Variants in PLS1 observed in about 807,000 individuals in gnomAD.
PLS1 encodes plastin 1.
PLS1 carries 32 observed loss-of-function variants against 73.7 expected under a neutral mutation model. That is an observed-to-expected ratio of 0.43 (90% CI 0.33 to 0.58). The LOEUF (loss-of-function observed/expected upper bound fraction) is 0.58. PLS1 is among the 20% of genes least tolerant of loss of function. The probability of loss-of-function intolerance (pLI) is 0.04; values close to 1 mark genes in which losing one functional copy is unlikely to be tolerated. For missense variants in PLS1, 633 were observed against 740.5 expected (o/e 0.85, Z 1.68); for synonymous variants, 217 against 261.3 (o/e 0.83, Z 1.63).
At position 142,676,295 on chromosome 3, in the gene PLS1, T is replaced by C; in HGVS notation, c.497+6T>C. On this transcript the variant is annotated splice_donor_region_variant and intron_variant, in intron 5 of 15. Coordinates refer to ENST00000457734, the MANE Select transcript of PLS1 (RefSeq NM_001145319.2). ...GCAGATGGCATCCTTCTTTGGTGAG[T>C]TGAACTTCTGGTTAAGGAAGCTGCG... 1 of 1,610,532 alleles carries C rather than the reference T, an allele frequency of 6.2e-7. No individual in the cohort carries two copies. Among genetic ancestry groups the C allele is most frequent in the Non-Finnish European group, 8.5e-7 (1 of 1,178,938 alleles).
chr3:142,696,450 G>A (rs2038205656), intron 11 of PLS1, among the ~76,000 whole-genome samples: 1 of 152,038 alleles, frequency 6.6e-6, no homozygotes, highest in South Asian at 2.1e-4. Flanking sequence ...ACAATAGGTG[G>A]ACATCTAGTT....
chr3:142,612,378 G>A (rs1560029494), intron 1 of PLS1, among the ~76,000 whole-genome samples: 1 of 152,158 alleles, frequency 6.6e-6, no homozygotes, highest in Admixed American at 6.5e-5. Flanking sequence ...TGTATATAAG[G>A]TTTAGAGAAT....
intron 1 of PLS1, among the ~76,000 whole-genome samples, chr3:142,599,178 GAATA>G (rs199708068): frequency 0.11 from 15,868 of 146,746 alleles, 1,884 homozygotes; most frequent in African/African-American, 0.31. Context: ...ATGAATGAAT[GAATA>G]AATAAATAAA....
intron 1 of PLS1, among the ~76,000 whole-genome samples, chr3:142,643,956 A>G (rs1480548813): frequency 6.6e-6 from 1 of 150,928 alleles, no homozygotes; most frequent in Non-Finnish European, 1.5e-5. Context: ...CAGCCTCCCA[A>G]GTTGCTGGGA....
chr3:142,689,267 T>A (rs1171621256), intron 9 of PLS1, among the ~76,000 whole-genome samples: 11 of 151,768 alleles, frequency 7.2e-5, no homozygotes, highest in Non-Finnish European at 4.4e-5. Flanking sequence ...TTACTAAAAA[T>A]ACAAAAATTA....
chr3:142,647,123 C>T (rs904424652), intron 1 of PLS1, among the ~76,000 whole-genome samples: 3 of 152,158 alleles, frequency 2.0e-5, no homozygotes, highest in Non-Finnish European at 4.4e-5. Flanking sequence ...GGTGATTTTT[C>T]ATGTGCCAGA....
At chr3:142,614,652 C>A in intron 1 of PLS1, among the ~76,000 whole-genome samples, 1 of 152,156 alleles carries the variant, frequency 6.6e-6, no homozygotes. Context: ...GTGTTTGGCC[C>A]ATGGGTGCCA....
At chr3:142,630,695 G>A (rs2036538827) in intron 1 of PLS1, among the ~76,000 whole-genome samples, 1 of 151,882 alleles carries the variant, frequency 6.6e-6, no homozygotes, top group African/African-American at 2.4e-5. Context: ...AGGTTGCAGT[G>A]AGCCAAGATC....
chr3:142,635,154 G>A (rs1403549293), intron 1 of PLS1, among the ~76,000 whole-genome samples: 4 of 151,878 alleles, frequency 2.6e-5, no homozygotes, highest in African/African-American at 4.8e-5. Flanking sequence ...TTAAAAATGT[G>A]TATGCTATAA....
intron 1 of PLS1, among the ~76,000 whole-genome samples, chr3:142,657,370 C>T (rs1402116188): frequency 1.3e-5 from 2 of 152,100 alleles, no homozygotes; most frequent in Non-Finnish European, 2.9e-5. Flanking sequence ...AGTAAGCCCT[C>T]TAGGAGGTTC....
intron 4 of PLS1, 29 bp downstream of exon 4, chr3:142,671,151 T>G: frequency 6.3e-7 from 1 of 1,575,330 alleles, no homozygotes; most frequent in South Asian, 1.1e-5. Context: ...TTTGATCTTT[T>G]AGTCACTGAT....
intron 9 of PLS1, among the ~76,000 whole-genome samples, chr3:142,687,273 A>G (rs2037990664): frequency 6.6e-6 from 1 of 152,090 alleles, no homozygotes; most frequent in Non-Finnish European, 1.5e-5. Context: ...AAAGTTTACA[A>G]ATTTGTGTTG....
intron 1 of PLS1, among the ~76,000 whole-genome samples, chr3:142,663,559 T>G: frequency 6.6e-6 from 1 of 152,046 alleles, no homozygotes; most frequent in African/African-American, 2.4e-5. Context: ...ATTAGCTGGG[T>G]ACAGTGGCAC....
At chr3:142,657,626 A>G (rs2037270548) in intron 1 of PLS1, among the ~76,000 whole-genome samples, 1 of 152,086 alleles carries the variant, frequency 6.6e-6, no homozygotes, top group Non-Finnish European at 1.5e-5. Flanking sequence ...AGTAGCTGGG[A>G]CTATAGGCGT....
intron 1 of PLS1, among the ~76,000 whole-genome samples, chr3:142,601,131 TAGCC>T (rs1255596312): frequency 1.3e-5 from 2 of 149,842 alleles, no homozygotes; most frequent in African/African-American, 4.9e-5. Context: ...TTCACTGTGT[TAGCC>T]AGGATGGTCT....
intron 5 of PLS1, among the ~76,000 whole-genome samples, chr3:142,677,453 C>T (rs900705312): frequency 7.9e-5 from 12 of 151,854 alleles, no homozygotes; most frequent in South Asian, 2.1e-4. Context: ...TGAGACCAGC[C>T]GGGCCAACAT....
chr3:142,628,859 AT>A (rs565132295), intron 1 of PLS1, among the ~76,000 whole-genome samples: 84 of 152,328 alleles, frequency 5.5e-4, no homozygotes, highest in Non-Finnish European at 1.0e-3. Flanking sequence ...AATTAATGCT[AT>A]TTTAAGTAAT....
chr3:142,631,331 T>C (rs958823799), intron 1 of PLS1, among the ~76,000 whole-genome samples: 2 of 151,868 alleles, frequency 1.3e-5, no homozygotes, highest in Non-Finnish European at 2.9e-5. Context: ...CTGGCCAACA[T>C]GGTGAAACCC....
intron 1 of PLS1, among the ~76,000 whole-genome samples, chr3:142,643,825 ATTTTTTTTTTTTT>A (rs67216911): frequency 1.6e-5 from 2 of 122,920 alleles, no homozygotes; most frequent in Non-Finnish European, 3.3e-5. Flanking sequence ...TCTTCATTTC[ATTTTTTTTTTTTT>A]TTTTTTTTGA....
Sources: allele counts gnomAD v4.1 joint callset (sites outside exome capture counted in the v4.1 genomes callset), GRCh38; gene constraint gnomAD v4.1.1; transcripts MANE v1.5; gene names NCBI Gene and HGNC (gene_info 2026-07-23, HGNC 2026-07-21).